Variants in NGLY1 observed in about 807,000 individuals in gnomAD.
NGLY1 encodes the protein peptide-N(4)-(N-acetyl-beta-glucosaminyl)asparagine amidase.
A neutral mutation model predicts 84.6 loss-of-function variants in NGLY1; 68 were observed. The ratio of observed to expected loss-of-function variants is 0.80; its 90% CI spans 0.66 to 0.98. The LOEUF (loss-of-function observed/expected upper bound fraction) is 0.98. NGLY1 is among the 50% of genes least tolerant of loss of function. NGLY1 has a pLI of 0.00. For synonymous variants in NGLY1, 280 were observed against 275.2 expected, an observed-to-expected ratio of 1.02 and a Z score of -0.17; for missense variants, 779 against 770.2, an observed-to-expected ratio of 1.01 and a Z score of -0.14.
intron 7 of NGLY1, chr3:25,735,747 A>G: frequency 6.4e-6 from 2 of 314,388 alleles, no homozygotes; most frequent in Non-Finnish European, 1.2e-5. Flanking sequence ...TGTTCATGGC[A>G]GCTTAATTTG....
upstream of NGLY1, among the ~76,000 whole-genome samples, chr3:25,783,837 G>A (rs1708540976): frequency 1.3e-5 from 2 of 152,092 alleles, no homozygotes; most frequent in Non-Finnish European, 1.5e-5. The surrounding 1 kb of genome is among the most constrained non-coding windows in gnomAD (Gnocchi z 4.5). Flanking sequence ...TGTGGGCCTG[G>A]AGGAGGGGGA....
intron 4 of NGLY1, among the ~76,000 whole-genome samples, chr3:25,747,746 T>C (rs1275124392): frequency 6.6e-6 from 1 of 152,084 alleles, no homozygotes; most frequent in Non-Finnish European, 1.5e-5. Flanking sequence ...TCCAAAAAGA[T>C]ACACAAATAT....
At chr3:25,737,054 C>T in intron 6 of NGLY1, 1 of 264,870 alleles carries the variant, frequency 3.8e-6, no homozygotes, top group Non-Finnish European at 7.1e-6. Context: ...CAAGTATCCC[C>T]CAAATATGTA....
chr3:25,756,126 A>C (rs182126922), intron 3 of NGLY1, among the ~76,000 whole-genome samples: 1 of 152,324 alleles, frequency 6.6e-6, no homozygotes, highest in Non-Finnish European at 1.5e-5. Context: ...ATTTTTGGAA[A>C]GAGTGGATTT....
At chr3:25,738,802 T>C (rs1398420649) in intron 5 of NGLY1, among the ~76,000 whole-genome samples, 1 of 152,050 alleles carries the variant, frequency 6.6e-6, no homozygotes, top group Non-Finnish European at 1.5e-5. Context: ...TTAGAAACTA[T>C]GTCCTAAGCT....
At chr3:25,758,269 G>A (rs1321479942) in intron 3 of NGLY1, among the ~76,000 whole-genome samples, 1 of 152,124 alleles carries the variant, frequency 6.6e-6, no homozygotes, top group African/African-American at 2.4e-5. Context: ...CATTCATTAG[G>A]TAATATAGTA....
At chr3:25,725,664 G>T (rs1356227300) in intron 10 of NGLY1, among the ~76,000 whole-genome samples, 1 of 152,086 alleles carries the variant, frequency 6.6e-6, no homozygotes, top group Non-Finnish European at 1.5e-5. Context: ...TTCTGCTGCA[G>T]AATTGCTTGC....
At chr3:25,769,748 A>G (rs1036926668) in intron 2 of NGLY1, among the ~76,000 whole-genome samples, 2 of 152,184 alleles carry the variant, frequency 1.3e-5, no homozygotes, top group Admixed American at 6.5e-5. Flanking sequence ...TTTTTTAAAA[A>G]AAATTCTTAT....
At chr3:25,734,795 T>C in intron 7 of NGLY1, 1 of 938,958 alleles carries the variant, frequency 1.1e-6, no homozygotes, top group Non-Finnish European at 1.3e-6. Context: ...CCTAAACAGT[T>C]GATAGTTTAA....
intron 10 of NGLY1, among the ~76,000 whole-genome samples, chr3:25,725,841 G>C (rs1031828569): frequency 6.6e-6 from 1 of 152,054 alleles, no homozygotes; most frequent in Non-Finnish European, 1.5e-5. Flanking sequence ...AGTGGCTCTT[G>C]TTTCTGTCTT....
intron 4 of NGLY1, among the ~76,000 whole-genome samples, chr3:25,750,432 TAAGATAG>T (rs2125510684): frequency 1.3e-5 from 2 of 152,276 alleles, no homozygotes; most frequent in East Asian, 3.9e-4. Context: ...TCCACTTATA[TAAGATAG>T]AATAGTCAAA....
chr3:25,756,670 T>C (rs1174516826), intron 3 of NGLY1, among the ~76,000 whole-genome samples: 5 of 152,214 alleles, frequency 3.3e-5, no homozygotes, highest in Non-Finnish European at 7.3e-5. Context: ...TACACGTATG[T>C]TTTGATCACT....
intron 2 of NGLY1, among the ~76,000 whole-genome samples, chr3:25,776,429 G>A (rs1171090215): frequency 6.6e-6 from 1 of 152,098 alleles, no homozygotes. Context: ...TTGAAAATTG[G>A]CATTTCCTTG....
At chr3:25,774,521 G>T (rs1174057482) in intron 2 of NGLY1, among the ~76,000 whole-genome samples, 1 of 152,066 alleles carries the variant, frequency 6.6e-6, no homozygotes, top group African/African-American at 2.4e-5. Flanking sequence ...ATGTTTCCAG[G>T]GGGATTACAG....
chr3:25,769,960 C>G (rs1707814508), intron 2 of NGLY1, among the ~76,000 whole-genome samples: 1 of 152,104 alleles, frequency 6.6e-6, no homozygotes. Flanking sequence ...CTCCAAGTCC[C>G]CAGAGTCCAC....
Position 25,739,716 on chromosome 3 carries a change from C to T in NGLY1, c.742G>A (p.Val248Ile), listed in dbSNP as rs1706031308. The change falls in exon 5 of 12, where the codon GTT (valine) becomes ATT (isoleucine). Residue 248 changes from valine (V) to isoleucine (I), a missense_variant. By Grantham distance (29) the Val-to-Ile change is conservative. Transcript: ENST00000280700. Reference protein sequence around the residue: ...KEEFFHWVNNVLCSKCGGQTR... With the variant: ...KEEFFHWVNNILCSKCGGQTR... ...TGTCCACCACATTTGCTGCACAAAA[C>T]GTTATTCACCCAGTGAAAAAATTCT... 4.3e-6 allele frequency: 7 copies of T among 1,614,044 alleles called. No homozygotes were observed. Among genetic ancestry groups the T allele is most frequent in the Non-Finnish European group, 5.9e-6 (7 of 1,179,996 alleles).
intron 5 of NGLY1, among the ~76,000 whole-genome samples, chr3:25,738,644 C>T (rs1392498072): frequency 2.0e-5 from 3 of 149,068 alleles, no homozygotes; most frequent in Non-Finnish European, 4.4e-5. Flanking sequence ...TTTTTTGAGA[C>T]AAAGTCTCAA....
chr3:25,768,566 T>C (rs1245059272), intron 2 of NGLY1, among the ~76,000 whole-genome samples: 2 of 146,758 alleles, frequency 1.4e-5, no homozygotes, highest in Non-Finnish European at 3.0e-5. Flanking sequence ...TAAGACTTTT[T>C]TTTTTTTTTT....
At chr3:25,721,745 T>C (rs1264738052) in intron 10 of NGLY1, among the ~76,000 whole-genome samples, 2 of 43,340 alleles carry the variant, frequency 4.6e-5, no homozygotes, top group African/African-American at 1.7e-4. Flanking sequence ...CAAGACTCCA[T>C]CTCAAAAAAA....
Sources: allele counts gnomAD v4.1 joint callset (sites outside exome capture counted in the v4.1 genomes callset), GRCh38; gene constraint gnomAD v4.1.1; non-coding constraint Gnocchi (gnomAD v3.1); transcripts MANE v1.5; gene names NCBI Gene and HGNC (gene_info 2026-07-23, HGNC 2026-07-21).